ASRGL1: variants seen among roughly 807,000 people sequenced by gnomAD.
The protein encoded by ASRGL1 is asparaginase and isoaspartyl peptidase 1.
In ASRGL1, 16 loss-of-function variants were observed where a neutral mutation model predicts 22.4. The ratio of observed to expected loss-of-function variants is 0.71; its 90% CI spans 0.48 to 1.08. The LOEUF (loss-of-function observed/expected upper bound fraction) is 1.08, where lower values mean the gene tolerates loss of function less well. Ranked by LOEUF, ASRGL1 falls within the 50% of genes least tolerant of loss-of-function variation. The pLI, the probability that ASRGL1 is intolerant of heterozygous loss-of-function variation, is 0.00. For synonymous variants in ASRGL1, 165 were observed against 159.3 expected, an observed-to-expected ratio of 1.04 and a Z score of -0.27; for missense variants, 412 against 410.1, an observed-to-expected ratio of 1.00 and a Z score of -0.04.
At position 62,375,060 on chromosome 11, in the gene ASRGL1, C is replaced by T. The variant is rs569497006; in HGVS notation, c.492-14073C>T. Among the ~76,000 whole-genome samples, 466 of 151,958 alleles carry T rather than the reference C, an allele frequency of 3.1e-3. 2 individuals carry two copies. Among genetic ancestry groups the T allele is most frequent in the African/African-American group, 0.01 (429 of 41,384 alleles). ...CTGGGCAGAGCTGGACTTAGATCTT[C>T]GGTGGCCTCATGTAAACCCGGCAGC... On this transcript the variant is annotated intron_variant, in intron 4 of 6. Transcript: ENST00000415229.
At chr11:62,341,983 G>T (rs1283410320) in intron 2 of ASRGL1, among the ~76,000 whole-genome samples, 1 of 152,026 alleles carries the variant, frequency 6.6e-6, no homozygotes, top group African/African-American at 2.4e-5. Context: ...ATTTAGTAAG[G>T]CCGTTTTTAT....
chr11:62,387,377 A>C (rs1947240540), intron 4 of ASRGL1, among the ~76,000 whole-genome samples: 1 of 152,174 alleles, frequency 6.6e-6, no homozygotes, highest in East Asian at 1.9e-4. Context: ...TGGTACTATT[A>C]ATAATTAAGC....
At chr11:62,357,335 C>T in intron 4 of ASRGL1, 191 bp downstream of exon 4, 2 of 575,870 alleles carry the variant, frequency 3.5e-6, no homozygotes, top group Non-Finnish European at 2.8e-6. Flanking sequence ...CTGCAGCCTC[C>T]GCCTCCCAGG....
At chr11:62,371,289 C>T in intron 4 of ASRGL1, 2 of 1,377,768 alleles carry the variant, frequency 1.5e-6, no homozygotes, top group African/African-American at 1.5e-5. Flanking sequence ...GCAGCAGCAG[C>T]GGCGACGAGG....
chr11:62,395,642 G>C (rs796754979), downstream of ASRGL1, among the ~76,000 whole-genome samples: 9 of 152,052 alleles, frequency 5.9e-5, no homozygotes, highest in African/African-American at 2.2e-4. Flanking sequence ...ATGGTGTGTG[G>C]GGAAGGCTGG....
chr11:62,346,237 A>G (rs1246500367), intron 2 of ASRGL1, among the ~76,000 whole-genome samples: 1 of 152,110 alleles, frequency 6.6e-6, no homozygotes, highest in East Asian at 1.9e-4. Context: ...AGCTCACAGA[A>G]CTCAGAGAAA....
chr11:62,340,896 C>T (rs1945846955), intron 2 of ASRGL1, among the ~76,000 whole-genome samples: 1 of 152,224 alleles, frequency 6.6e-6, no homozygotes, highest in African/African-American at 2.4e-5. Context: ...CAGTAATTAG[C>T]ATTCATGACA....
Position 62,362,731 on chromosome 11 carries a change from A to T in ASRGL1, c.491+5587A>T, listed in dbSNP as rs1254299561. On this transcript the variant is annotated intron_variant, in intron 4 of 6. Transcript: ENST00000415229. The stretch of plus-strand genomic sequence containing the variant: ...AAAATATATTATATGTTATATATAA[A>T]ATATAATATATATTATATATATAAA... 2.2e-4 allele frequency among the ~76,000 whole-genome samples: 12 copies of T among 55,536 alleles called. No individual in the cohort carries two copies. In the South Asian group the frequency reaches 7.0e-3, roughly 33 times the overall value. 36.4% of individuals were successfully genotyped at this position (55,536 alleles called of 152,430 possible).
At chr11:62,382,296 G>A (rs910347266) in intron 4 of ASRGL1, 1 of 152,034 alleles carries the variant, frequency 6.6e-6, no homozygotes, top group African/African-American at 2.4e-5. Flanking sequence ...AGTTCCCTCA[G>A]TATTTACTGA....
intron 2 of ASRGL1, among the ~76,000 whole-genome samples, chr11:62,342,410 A>G (rs1464238240): frequency 1.3e-5 from 2 of 152,230 alleles, no homozygotes; most frequent in African/African-American, 4.8e-5. Context: ...AGGTCTTTGA[A>G]TAAATTTTGC....
chr11:62,342,297 T>G (rs1174956385), intron 2 of ASRGL1, among the ~76,000 whole-genome samples: 1 of 152,208 alleles, frequency 6.6e-6, no homozygotes, highest in Non-Finnish European at 1.5e-5. Flanking sequence ...TGGACCAGTA[T>G]AAGCCTTCCA....
At chr11:62,383,795 G>C (rs1375151861) in intron 4 of ASRGL1, among the ~76,000 whole-genome samples, 2 of 150,144 alleles carry the variant, frequency 1.3e-5, no homozygotes, top group African/African-American at 4.9e-5. Flanking sequence ...TTGGCAGTGT[G>C]CACCTGTAGT....
chr11:62,393,844 A>G (rs896344493), downstream of ASRGL1, among the ~76,000 whole-genome samples: 1 of 151,772 alleles, frequency 6.6e-6, no homozygotes, highest in African/African-American at 2.4e-5. Context: ...GGTGTCGGCC[A>G]CGTTGGTGTC....
At chr11:62,358,869 A>G (rs1590722249) in intron 4 of ASRGL1, among the ~76,000 whole-genome samples, 1 of 152,338 alleles carries the variant, frequency 6.6e-6, no homozygotes, top group South Asian at 2.1e-4. Context: ...GGAAGATTCG[A>G]ACAGCAGAAG....
chr11:62,369,179 G>A (rs1946696264), intron 4 of ASRGL1, among the ~76,000 whole-genome samples: 1 of 152,084 alleles, frequency 6.6e-6, no homozygotes, highest in South Asian at 2.1e-4. Flanking sequence ...TGTGTCCCTG[G>A]GTAGTTGAGA....
At chr11:62,371,651 G>A in intron 4 of ASRGL1, 3 of 634,634 alleles carry the variant, frequency 4.7e-6, no homozygotes, top group Non-Finnish European at 9.2e-6. Flanking sequence ...TTGATTGGTC[G>A]AAAATAAGTG....
At chr11:62,344,206 AT>A (rs1292746806) in intron 2 of ASRGL1, among the ~76,000 whole-genome samples, 1 of 151,964 alleles carries the variant, frequency 6.6e-6, no homozygotes, top group African/African-American at 2.4e-5. Flanking sequence ...TGTCGTTCAT[AT>A]TTCTTCAGTG....
chr11:62,370,657 C>T (rs1946737594), intron 4 of ASRGL1, among the ~76,000 whole-genome samples: 1 of 152,126 alleles, frequency 6.6e-6, no homozygotes. Context: ...TGCACTGGGA[C>T]ACAATTGAGT....
downstream of ASRGL1, among the ~76,000 whole-genome samples, chr11:62,397,246 T>G (rs2134715189): frequency 6.6e-6 from 1 of 152,228 alleles, no homozygotes; most frequent in South Asian, 2.1e-4. Flanking sequence ...ATCAGGATAG[T>G]CTTGATTTCT....
Sources: allele counts gnomAD v4.1 joint callset (sites outside exome capture counted in the v4.1 genomes callset), GRCh38; gene constraint gnomAD v4.1.1; transcripts MANE v1.5; gene names NCBI Gene and HGNC (gene_info 2026-07-23, HGNC 2026-07-21).